The following PCDHA12 variants were observed in gnomAD, a reference collection of about 807,000 sequenced individuals.
The protein encoded by PCDHA12 is protocadherin alpha 12, also known as protocadherin alpha-12.
Under a neutral mutation model 60.0 loss-of-function variants are expected in PCDHA12, and 44 were observed. The observed-to-expected ratio is 0.73, with a 90% CI of 0.58 to 0.94. PCDHA12 has a LOEUF of 0.94. Ranked by LOEUF, PCDHA12 falls within the 40% of genes least tolerant of loss-of-function variation. The probability of loss-of-function intolerance (pLI) is 0.00; values close to 1 mark genes in which losing one functional copy is unlikely to be tolerated. For missense variants in PCDHA12, 1,276 were observed against 1,239.7 expected (o/e 1.03, Z -0.44); for synonymous variants, 569 against 553.0 (o/e 1.03, Z -0.40).
chr5:140,994,141 C>T (rs782520855), intron 3 of PCDHA12, among the ~76,000 whole-genome samples: 1 of 152,256 alleles, frequency 6.6e-6, no homozygotes, highest in African/African-American at 2.4e-5. Context: ...TAATGCCCTA[C>T]GTAGGTAGGG....
At chr5:140,957,556 A>G (rs1364343526) in intron 1 of PCDHA12, among the ~76,000 whole-genome samples, 1 of 152,150 alleles carries the variant, frequency 6.6e-6, no homozygotes, top group African/African-American at 2.4e-5. Flanking sequence ...TCTCTGTGGA[A>G]AAGGAGGGAC....
chr5:140,938,761 G>A (rs1414324125), intron 1 of PCDHA12, among the ~76,000 whole-genome samples: 5 of 151,992 alleles, frequency 3.3e-5, no homozygotes, highest in Non-Finnish European at 7.4e-5. Flanking sequence ...CATAGTTATT[G>A]GGTACTAGAC....
In PCDHA12 at chr5:140,876,567, G is replaced by T. The variant is rs782286416; in HGVS notation, c.1095G>T (p.Val365=). Residue 365 remains valine (V), a synonymous_variant, in exon 1 of 4, where the codon GTG becomes GTT. Transcript: ENST00000398631. The part of the protein sequence containing the change: ...LSLPVQEDAQ[V]GTVIALISVS... ...TCCCTGTGCAAGAGGATGCTCAGGT[G>T]GGTACCGTCATTGCCCTGATTAGCG... is the stretch of plus-strand genomic sequence containing the variant. 90 of 1,614,068 alleles carry T rather than the reference G, an allele frequency of 5.6e-5. No individual in the cohort carries two copies. Among genetic ancestry groups the T allele is most frequent in the Non-Finnish European group, 6.3e-5 (74 of 1,180,038 alleles).
At chr5:140,882,096 T>A in intron 1 of PCDHA12, 1 of 1,224,746 alleles carries the variant, frequency 8.2e-7, no homozygotes, top group Non-Finnish European at 1.1e-6. Flanking sequence ...ACTGAGAACG[T>A]TTCCGCGAAG....
At chr5:140,910,856 C>T (rs548609862) in intron 1 of PCDHA12, among the ~76,000 whole-genome samples, 15 of 152,300 alleles carry the variant, frequency 9.8e-5, no homozygotes, top group Non-Finnish European at 2.2e-4. Flanking sequence ...ATCTATGTTC[C>T]ATCCACCATT....
chr5:140,966,385 G>C (rs1486179807), intron 1 of PCDHA12: 1 of 405,050 alleles, frequency 2.5e-6, no homozygotes, highest in East Asian at 3.6e-5. Flanking sequence ...CGGGTTCGCT[G>C]TCCGCCACTT....
At position 140,911,726 on chromosome 5, in the gene PCDHA12, G is replaced by GTTCGTGCCAAGGAC. The variant is rs372287116; in HGVS notation, c.2367+33889_2367+33902dup. On this transcript the variant is annotated intron_variant, in intron 1 of 3. Transcript: ENST00000398631. ...TTTATTTTGTGTAACTCTGTAAACAGTTCGTGCCAAGGACTATCAGTGTTC... is the reference window on the plus strand; with the variant it reads ...TTTATTTTGTGTAACTCTGTAAACAGTTCGTGCCAAGGACTTCGTGCCAAGGACTATCAGTGTTC... Among the ~76,000 whole-genome samples, 876 of 152,272 alleles carry GTTCGTGCCAAGGAC rather than the reference G, an allele frequency of 5.8e-3. 6 individuals are homozygous for GTTCGTGCCAAGGAC. The highest frequency in any genetic ancestry group is 0.018 in the African/African-American group (761 of 41,552).
At position 140,883,299 on chromosome 5, in the gene PCDHA12, A is replaced by G. The variant is rs200799645; in HGVS notation, c.2367+5460A>G. 1.4e-5 allele frequency: 22 copies of G among 1,614,110 alleles called. No homozygotes were observed. In the African/African-American group the frequency reaches 2.9e-4, roughly 22 times the overall value. On this transcript the variant is annotated intron_variant, in intron 1 of 3. Coordinates refer to ENST00000398631, the MANE Select transcript of PCDHA12 (RefSeq NM_018903.4). ...CTTTTGGTGGAAGTACTAGATGTAA[A>G]TGATAACGCCCCAGAGGTTACCATC...
At position 140,875,723 on chromosome 5, in the gene PCDHA12, T is replaced by G; in HGVS notation, c.251T>G (p.Leu84Trp). 6.2e-7 allele frequency: 1 copy of G among 1,614,194 alleles called. No individual in the cohort carries two copies. Among genetic ancestry groups the G allele is most frequent in the South Asian group, 1.1e-5 (1 of 91,076 alleles). Residue 84 changes from leucine to tryptophan, a missense_variant, in exon 1 of 4, where the codon TTG (leucine) becomes TGG (tryptophan). Coordinates refer to ENST00000398631, the MANE Select transcript of PCDHA12 (RefSeq NM_018903.4). ...GAGGTAAATCTGCAGAATGGCATTT[T>G]GTTTGTGAATTCTCGGATCGACCGC... ...LLEVNLQNGI[L>W]FVNSRIDREK...
chr5:140,965,275 C>T (rs1280046381), intron 1 of PCDHA12, among the ~76,000 whole-genome samples: 7 of 152,158 alleles, frequency 4.6e-5, no homozygotes, highest in Non-Finnish European at 1.0e-4. Context: ...GGCAATGACA[C>T]AGCATGGAAA....
Position 140,875,743 on chromosome 5 carries a change from G to A in PCDHA12, c.271G>A (p.Asp91Asn), listed in dbSNP as rs782705899. Residue 91 changes from aspartate to asparagine, a missense_variant, in exon 1 of 4, where the codon GAC becomes AAC. By Grantham distance (23) the Asp-to-Asn change is conservative. Transcript: ENST00000398631. ...NGILFVNSRI[D>N]REKLCGRSAE... The stretch of plus-strand genomic sequence containing the variant: ...CATTTTGTTTGTGAATTCTCGGATC[G>A]ACCGCGAGAAGCTGTGCGGGCGGAG... 4.3e-6 allele frequency: 7 copies of A among 1,614,108 alleles called. No individual in the cohort carries two copies. The highest frequency in any genetic ancestry group is 5.1e-6 in the Non-Finnish European group (6 of 1,180,046).
intron 1 of PCDHA12, among the ~76,000 whole-genome samples, chr5:140,933,588 G>A (rs2089253151): frequency 6.6e-6 from 1 of 151,988 alleles, no homozygotes; most frequent in Non-Finnish European, 1.5e-5. Flanking sequence ...TGGGTTTTTA[G>A]GTTGATTTGT....
chr5:140,914,769 T>C (rs2076832006), intron 1 of PCDHA12, among the ~76,000 whole-genome samples: 1 of 152,160 alleles, frequency 6.6e-6, no homozygotes, highest in South Asian at 2.1e-4. Flanking sequence ...ATGAGGTTTA[T>C]GACTTATCTT....
chr5:140,964,216 T>C (rs1267795511), intron 1 of PCDHA12, among the ~76,000 whole-genome samples: 1 of 152,214 alleles, frequency 6.6e-6, no homozygotes, highest in Non-Finnish European at 1.5e-5. Context: ...TAGTACAATG[T>C]CTTTCAAAAT....
chr5:140,948,468 CT>C (rs1173060430), intron 1 of PCDHA12, among the ~76,000 whole-genome samples: 1 of 151,468 alleles, frequency 6.6e-6, no homozygotes, highest in African/African-American at 2.4e-5. Flanking sequence ...GGGAAAGTTT[CT>C]GATAATAAAT....
At chr5:140,938,618 C>A (rs925273700) in intron 1 of PCDHA12, among the ~76,000 whole-genome samples, 1 of 152,138 alleles carries the variant, frequency 6.6e-6, no homozygotes, top group East Asian at 1.9e-4. Flanking sequence ...TTGGAATAAA[C>A]TCAGGTTGCT....
In PCDHA12 at chr5:140,876,137, T is replaced by TA. The variant is rs781824852; in HGVS notation, c.667dup (p.Thr223AsnfsTer15). The TA allele has an allele frequency of 1.3e-5, 21 of 1,613,798 alleles. No individual in the cohort carries two copies. The Middle Eastern group carries it at 4.9e-4, about 38-fold the overall frequency. On this transcript the variant is annotated frameshift_variant, in exon 1 of 4. Coordinates refer to ENST00000398631, the MANE Select transcript of PCDHA12 (RefSeq NM_018903.4). LOFTEE classifies it high-confidence loss of function. Reference sequence around the variant, plus strand: ...GTAATCGATGGCGGTAAACCAGAACTAACAGGGTCTGTCCAGATTCAAATA... The same window carrying TA: ...GTAATCGATGGCGGTAAACCAGAACTAAACAGGGTCTGTCCAGATTCAAATA...
intron 1 of PCDHA12, chr5:140,928,916 G>A (rs1287378711): frequency 5.0e-6 from 8 of 1,613,988 alleles, no homozygotes; most frequent in East Asian, 2.2e-5. Flanking sequence ...GAACCAGGAG[G>A]GCAGCTTTCT....
chr5:140,907,885 A>C (rs1554193167), intron 1 of PCDHA12, among the ~76,000 whole-genome samples: 1 of 152,210 alleles, frequency 6.6e-6, no homozygotes, highest in Admixed American at 6.5e-5. Flanking sequence ...CTCACATGGG[A>C]TACAAATATC....
Sources: allele counts gnomAD v4.1 joint callset (sites outside exome capture counted in the v4.1 genomes callset), GRCh38; gene constraint gnomAD v4.1.1; transcripts MANE v1.5; gene names NCBI Gene and HGNC (gene_info 2026-07-23, HGNC 2026-07-21).